DNAJC6: variants seen among roughly 807,000 people sequenced by gnomAD.
The protein encoded by DNAJC6 is DnaJ heat shock protein family (Hsp40) member C6.
DNAJC6 carries 34 observed loss-of-function variants against 110.0 expected under a neutral mutation model. That is an observed-to-expected ratio of 0.31 (90% CI 0.24 to 0.41). DNAJC6 has a LOEUF of 0.41. DNAJC6 is among the 10% of genes least tolerant of loss of function. The pLI is 1.00. For synonymous variants in DNAJC6, 406 were observed against 437.2 expected (o/e 0.93, Z 0.89); for missense variants, 1,031 against 1,207.8 (o/e 0.85, Z 2.17).
chr1:65,268,780 C>T (rs1024524453), intron 1 of DNAJC6, among the ~76,000 whole-genome samples: 2 of 152,032 alleles, frequency 1.3e-5, no homozygotes, highest in African/African-American at 4.8e-5. Flanking sequence ...TGGCTTTTGA[C>T]TAATTTTTTA....
chr1:65,365,805 T>A (rs1645640284), intron 2 of DNAJC6, 80 bp from the exon 3 acceptor site: 1 of 1,493,358 alleles, frequency 6.7e-7, no homozygotes, highest in Non-Finnish European at 9.2e-7. Context: ...TCCCAGTTCA[T>A]ATGCGCAAGT....
intron 11 of DNAJC6, among the ~76,000 whole-genome samples, chr1:65,391,209 C>T (rs1352162931): frequency 6.6e-6 from 1 of 152,152 alleles, no homozygotes; most frequent in Non-Finnish European, 1.5e-5. Flanking sequence ...TAAATGAAGA[C>T]TATAAGTATC....
chr1:65,392,811 C>A lies in DNAJC6; in HGVS notation c.1849C>A (p.Pro617Thr), dbSNP rs1645941717. The A allele has an allele frequency of 1.3e-6, 2 of 1,571,674 alleles. No individual in the cohort carries two copies. Among genetic ancestry groups the A allele is most frequent in the African/African-American group, 2.7e-5 (2 of 73,654 alleles). ...PSGPASTQST[P>T]RRSATSTSAS... ...TGGACCTGCGTCTACCCAGTCAACACCACGCCGCTCTGCCACCTCCACCTC... is the reference window on the plus strand; with the variant it reads ...TGGACCTGCGTCTACCCAGTCAACAACACGCCGCTCTGCCACCTCCACCTC... The change falls in exon 12 of 19, where the codon CCA becomes ACA. Residue 617 changes from proline to threonine, a missense_variant. Pro to Thr is a conservative substitution (Grantham distance 38). Coordinates refer to ENST00000371069, the MANE Select transcript of DNAJC6 (RefSeq NM_001256864.2).
chr1:65,374,096 C>T (rs185475666), intron 4 of DNAJC6, among the ~76,000 whole-genome samples: 115 of 152,252 alleles, frequency 7.6e-4, no homozygotes, highest in African/African-American at 2.2e-3. Flanking sequence ...GTGGTAAATG[C>T]GTGGACTTAT....
chr1:65,297,810 C>T (rs1644942287), intron 1 of DNAJC6, among the ~76,000 whole-genome samples: 1 of 152,206 alleles, frequency 6.6e-6, no homozygotes, highest in African/African-American at 2.4e-5. Flanking sequence ...CTTGGGGTAA[C>T]ATCATTATTG....
At chr1:65,341,216 T>A (rs1416050374) in intron 1 of DNAJC6, among the ~76,000 whole-genome samples, 45 of 152,174 alleles carry the variant, frequency 3.0e-4, no homozygotes, top group Admixed American at 2.9e-3. Context: ...AAGGGCTGCA[T>A]TGCCTTCTTC....
intron 1 of DNAJC6, among the ~76,000 whole-genome samples, chr1:65,320,301 C>A (rs1448159194): frequency 6.6e-6 from 1 of 152,196 alleles, no homozygotes; most frequent in Non-Finnish European, 1.5e-5. Flanking sequence ...ATCTCTCTTA[C>A]TTTACCTCTG....
rs1175694712 is a variant in DNAJC6, at chr1:65,309,951, G to C, written c.193+13G>C. 10 of 1,437,992 alleles carry C rather than the reference G, an allele frequency of 7.0e-6. No homozygotes were observed. Among genetic ancestry groups the C allele is most frequent in the Non-Finnish European group, 9.1e-6 (10 of 1,096,254 alleles). The allele number at this position is 1,437,992 out of a possible 1,614,324, so 89.1% of individuals were successfully genotyped here. On this transcript the variant is annotated intron_variant, in intron 1 of 18. Transcript: ENST00000371069. ...ATGGACAGCTCAGGTAGCGCTGCCC[G>C]AGGGGAGTGCAGCGCTGAGCCCCGC...
chr1:65,316,714 A>G (rs1645152106), intron 1 of DNAJC6, among the ~76,000 whole-genome samples: 1 of 152,232 alleles, frequency 6.6e-6, no homozygotes, highest in South Asian at 2.1e-4. Flanking sequence ...TTTGAGAGAA[A>G]TGTAACTGTT....
At chr1:65,344,127 G>T (rs1645415028) in intron 1 of DNAJC6, among the ~76,000 whole-genome samples, 1 of 152,188 alleles carries the variant, frequency 6.6e-6, no homozygotes, top group Non-Finnish European at 1.5e-5. Flanking sequence ...TGGGTGTACA[G>T]TGATTTTTCT....
chr1:65,280,494 T>A (rs1037333981), intron 1 of DNAJC6, among the ~76,000 whole-genome samples: 1 of 152,208 alleles, frequency 6.6e-6, no homozygotes, highest in African/African-American at 2.4e-5. Context: ...GGACAATATG[T>A]TTACGTGTTA....
intron 1 of DNAJC6, among the ~76,000 whole-genome samples, chr1:65,273,877 G>A (rs1210124762): frequency 6.6e-6 from 1 of 152,000 alleles, no homozygotes; most frequent in Admixed American, 6.5e-5. Flanking sequence ...CTTGCTTTGT[G>A]ACCCTTCATA....
Position 65,294,573 on chromosome 1 carries a change from G to A in DNAJC6, c.-131+29641G>A, listed in dbSNP as rs187572524. Among the ~76,000 whole-genome samples, 465 of 152,250 alleles carry A rather than the reference G, an allele frequency of 3.1e-3. 1 individual carries two copies. Among genetic ancestry groups the A allele is most frequent in the Non-Finnish European group, 5.7e-3 (385 of 68,014 alleles). The stretch of plus-strand genomic sequence containing the variant: ...GTGGCTATTGAGCATTTGAAATGTG[G>A]CTAGTCCAATTGAGATGTGCTGTAA... On this transcript the variant is annotated intron_variant, in intron 1 of 19. Coordinates refer to the DNAJC6 transcript ENST00000263441.
chr1:65,342,221 T>A (rs970964608), intron 1 of DNAJC6, among the ~76,000 whole-genome samples: 2 of 152,060 alleles, frequency 1.3e-5, no homozygotes, highest in Non-Finnish European at 2.9e-5. Context: ...TGACCTAAAT[T>A]TTTGTGTTGG....
At chr1:65,314,017 C>T in intron 1 of DNAJC6, among the ~76,000 whole-genome samples, 1 of 152,058 alleles carries the variant, frequency 6.6e-6, no homozygotes, top group East Asian at 1.9e-4. Context: ...CTTAATTTAC[C>T]AAGTTCATAA....
intron 18 of DNAJC6, 47 bp downstream of exon 18, chr1:65,411,473 A>G (rs374278629): frequency 2.5e-5 from 39 of 1,561,266 alleles, no homozygotes; most frequent in Non-Finnish European, 3.2e-5. Flanking sequence ...TCCTTGCTTC[A>G]TTATCTTATG....
At chr1:65,290,495 A>T (rs558871012) in intron 1 of DNAJC6, among the ~76,000 whole-genome samples, 5 of 152,316 alleles carry the variant, frequency 3.3e-5, no homozygotes, top group African/African-American at 9.6e-5. Context: ...ATTGATTTTT[A>T]AAAAATTTAA....
rs140729586 is a variant in DNAJC6, at chr1:65,393,197, T to G, written c.1903+332T>G. Reference sequence around the variant, plus strand: ...TATTATTGATAAAAATAGCTAATATTTATGAGGTATTTACTATTTGCCAGA... The same window carrying G: ...TATTATTGATAAAAATAGCTAATATGTATGAGGTATTTACTATTTGCCAGA... On this transcript the variant is annotated intron_variant, in intron 12 of 18. Transcript: ENST00000371069. Among the ~76,000 whole-genome samples the G allele has an allele frequency of 1.4e-3, 207 of 152,280 alleles. 1 individual carries two copies. The highest frequency in any genetic ancestry group is 2.4e-3 in the Non-Finnish European group (164 of 68,030).
Position 65,394,065 on chromosome 1 carries a change from G to T in DNAJC6, c.1904-833G>T, listed in dbSNP as rs1645954199. Among the ~76,000 whole-genome samples, 3 of 151,688 alleles carry T rather than the reference G, an allele frequency of 2.0e-5. No homozygotes were observed. The South Asian group carries it at 6.2e-4, about 31-fold the overall frequency. On this transcript the variant is annotated intron_variant, in intron 12 of 18. Transcript: ENST00000371069. ...TTTTAACTTGCCAAAGTGAAAAAAA[G>T]CTCTGTCAGGAAAACAGTTTCCAAG...
Sources: gnomAD v4.1 joint callset for allele counts (sites outside exome capture counted in the v4.1 genomes callset) on GRCh38, gnomAD v4.1.1 for gene constraint, MANE v1.5 for transcripts, NCBI Gene and HGNC (gene_info 2026-07-23, HGNC 2026-07-21) for gene names.